Variants in CDH13 observed in about 807,000 individuals in gnomAD.
The protein encoded by CDH13 is cadherin 13, also known as cadherin-13.
In CDH13, 24 loss-of-function variants were observed where a neutral mutation model predicts 63.8. The ratio of observed to expected loss-of-function variants is 0.38; its 90% CI spans 0.27 to 0.53. The LOEUF (loss-of-function observed/expected upper bound fraction) is 0.53, where lower values mean the gene tolerates loss of function less well. CDH13 is among the 20% of genes least tolerant of loss of function. The pLI, the probability that CDH13 is intolerant of heterozygous loss-of-function variation, is 0.85. For missense variants in CDH13, 1,049 were observed against 903.1 expected (o/e 1.16, Z -2.07); for synonymous variants, 503 against 355.3 (o/e 1.42, Z -4.67).
intron 1 of CDH13, among the ~76,000 whole-genome samples, chr16:82,770,899 G>T (rs909991516): frequency 6.6e-5 from 10 of 152,030 alleles, no homozygotes; most frequent in African/African-American, 2.4e-4. Flanking sequence ...GTAGAGATGG[G>T]GTTTCACCAC....
chr16:83,066,274 G>A (rs943883869), intron 3 of CDH13, among the ~76,000 whole-genome samples: 3 of 152,262 alleles, frequency 2.0e-5, no homozygotes, highest in Admixed American at 1.3e-4. Flanking sequence ...CATGAGATAC[G>A]GGAGCTTCCT....
In CDH13 at chr16:82,654,928, G is replaced by C. The variant is rs901269693; in HGVS notation, c.45+27791G>C. On this transcript the variant is annotated intron_variant, in intron 1 of 13. Transcript: ENST00000567109. ...ATGGAGTGACTAGATCCATTATACA[G>C]GCAAAGTAGCTGAGGCCCACAGCCA... Among the ~76,000 whole-genome samples, 31 of 152,280 alleles carry C rather than the reference G, an allele frequency of 2.0e-4. 1 individual carries two copies. The highest frequency in any genetic ancestry group is 6.8e-3 in the Middle Eastern group (2 of 294).
chr16:83,419,333 T>C (rs2071645739), intron 6 of CDH13, among the ~76,000 whole-genome samples: 1 of 152,200 alleles, frequency 6.6e-6, no homozygotes, highest in Non-Finnish European at 1.5e-5. Context: ...AGAAGTGTAA[T>C]TAGCCACACA....
chr16:82,721,426 C>T (rs998873077), intron 1 of CDH13, among the ~76,000 whole-genome samples: 17 of 151,892 alleles, frequency 1.1e-4, no homozygotes, highest in African/African-American at 3.9e-4. Context: ...GGTCCTCAGG[C>T]AGTTAAAGAG....
intron 5 of CDH13, among the ~76,000 whole-genome samples, chr16:83,242,203 C>G (rs958728132): frequency 1.2e-4 from 18 of 152,112 alleles, no homozygotes; most frequent in African/African-American, 4.3e-4. Context: ...GTCTTCATGT[C>G]AATACATACA....
At chr16:83,408,122 C>G (rs1004315066) in intron 6 of CDH13, among the ~76,000 whole-genome samples, 18 of 152,132 alleles carry the variant, frequency 1.2e-4, no homozygotes, top group African/African-American at 4.3e-4. Flanking sequence ...AAAGATGTAC[C>G]CGGTCTCATT....
At chr16:83,580,387 G>C (rs1293099643) in intron 7 of CDH13, among the ~76,000 whole-genome samples, 2 of 150,566 alleles carry the variant, frequency 1.3e-5, no homozygotes, top group Non-Finnish European at 1.5e-5. Flanking sequence ...GTCCAGGAAG[G>C]TCCAAAATCT....
intron 6 of CDH13, among the ~76,000 whole-genome samples, chr16:83,450,224 G>T (rs891990758): frequency 1.3e-5 from 2 of 152,224 alleles, no homozygotes; most frequent in African/African-American, 4.8e-5. Context: ...ACCCACCTGT[G>T]AGGCCCATAA....
At chr16:83,551,156 C>T (rs1400366135) in intron 7 of CDH13, among the ~76,000 whole-genome samples, 2 of 151,956 alleles carry the variant, frequency 1.3e-5, no homozygotes, top group East Asian at 3.9e-4. Context: ...ATCTCAGCTC[C>T]CTGCAAACTC....
chr16:82,811,235 C>A (rs1483098918), intron 1 of CDH13, among the ~76,000 whole-genome samples: 3 of 152,112 alleles, frequency 2.0e-5, no homozygotes, highest in Admixed American at 6.6e-5. Flanking sequence ...AGCTTGAAAT[C>A]AAGCCACGGT....
intron 2 of CDH13, among the ~76,000 whole-genome samples, chr16:82,935,436 A>C (rs1022048917): frequency 2.6e-5 from 4 of 152,198 alleles, no homozygotes; most frequent in African/African-American, 7.2e-5. Flanking sequence ...TGAAATAGTT[A>C]CAACTGTTTT....
At chr16:82,822,850 T>C (rs2038066618) in intron 1 of CDH13, among the ~76,000 whole-genome samples, 1 of 152,234 alleles carries the variant, frequency 6.6e-6, no homozygotes, top group Non-Finnish European at 1.5e-5. Context: ...CATTTTATTA[T>C]CGTCTCTCAC....
chr16:82,744,357 C>A (rs2034065272), intron 1 of CDH13, among the ~76,000 whole-genome samples: 1 of 152,178 alleles, frequency 6.6e-6, no homozygotes, highest in African/African-American at 2.4e-5. Context: ...ACTTCTTGCC[C>A]TTCAGAGATA....
chr16:83,300,924 T>C (rs893439214), intron 5 of CDH13, among the ~76,000 whole-genome samples: 1 of 152,104 alleles, frequency 6.6e-6, no homozygotes, highest in Non-Finnish European at 1.5e-5. Flanking sequence ...AACAGGGATT[T>C]AGATTTCCTC....
chr16:83,458,182 A>G (rs879708784), intron 6 of CDH13, among the ~76,000 whole-genome samples: 1 of 152,172 alleles, frequency 6.6e-6, no homozygotes, highest in Admixed American at 6.5e-5. Context: ...TGCTGGATCC[A>G]GGATCCCAGG....
At chr16:83,202,884 T>C (rs1426479583) in intron 4 of CDH13, among the ~76,000 whole-genome samples, 6 of 152,062 alleles carry the variant, frequency 3.9e-5, no homozygotes, top group African/African-American at 1.4e-4. Flanking sequence ...AAATAGACAC[T>C]GAAGACTCCA....
At chr16:83,110,198 C>T (rs1482240513) in intron 3 of CDH13, among the ~76,000 whole-genome samples, 1 of 152,172 alleles carries the variant, frequency 6.6e-6, no homozygotes, top group Non-Finnish European at 1.5e-5. Flanking sequence ...TTCAGGATGG[C>T]CCAACTGTAC....
At chr16:83,026,612 T>C (rs1241611642) in intron 2 of CDH13, among the ~76,000 whole-genome samples, 1 of 151,822 alleles carries the variant, frequency 6.6e-6, no homozygotes, top group Non-Finnish European at 1.5e-5. Context: ...TAGAAAAAAA[T>C]ACTTAAAAGA....
chr16:82,715,680 G>A (rs886897641), intron 1 of CDH13, among the ~76,000 whole-genome samples: 3 of 152,090 alleles, frequency 2.0e-5, no homozygotes, highest in African/African-American at 7.2e-5. Flanking sequence ...CTGGGAAATA[G>A]CAGAGACCAC....
Sources: allele counts gnomAD v4.1 joint callset (sites outside exome capture counted in the v4.1 genomes callset), GRCh38; gene constraint gnomAD v4.1.1; transcripts MANE v1.5; gene names NCBI Gene and HGNC (gene_info 2026-07-23, HGNC 2026-07-21).